CCNY: variants seen among roughly 807,000 people sequenced by gnomAD.
CCNY encodes the protein cyclin Y, also known as cyclin-Y.
In CCNY, 19 loss-of-function variants were observed where a neutral mutation model predicts 42.8. That is an observed-to-expected ratio of 0.44 (90% CI 0.31 to 0.65). CCNY has a LOEUF of 0.65. Ranked by LOEUF, CCNY falls within the 30% of genes least tolerant of loss-of-function variation. The pLI, the probability that CCNY is intolerant of heterozygous loss-of-function variation, is 0.07. For missense variants in CCNY, 370 were observed against 437.3 expected, an observed-to-expected ratio of 0.85 and a Z score of 1.37; for synonymous variants, 165 against 162.7, an observed-to-expected ratio of 1.01 and a Z score of -0.11.
intron 8 of CCNY, 41 bp from the exon 9 acceptor site, chr10:35,565,982 G>A (rs1331187467): frequency 3.2e-6 from 5 of 1,582,484 alleles, no homozygotes; most frequent in African/African-American, 2.7e-5. Flanking sequence ...GTGGCCTGGT[G>A]TGGCAGCTAA....
At chr10:35,468,389 G>A (rs915984927) in intron 1 of CCNY, among the ~76,000 whole-genome samples, 2 of 152,212 alleles carry the variant, frequency 1.3e-5, no homozygotes, top group African/African-American at 4.8e-5. Flanking sequence ...GATTGTGTTT[G>A]CATGCATGTA....
intron 2 of CCNY, among the ~76,000 whole-genome samples, chr10:35,485,731 AAAAAAAAAC>A (rs1258925033): frequency 1.3e-5 from 2 of 148,808 alleles, no homozygotes; most frequent in African/African-American, 5.2e-5. Flanking sequence ...TCTCAAAAAA[AAAAAAAAAC>A]AAAAAAAAAA....
intron 1 of CCNY, among the ~76,000 whole-genome samples, chr10:35,439,638 A>G (rs1015863112): frequency 6.0e-5 from 9 of 150,482 alleles, no homozygotes; most frequent in African/African-American, 2.2e-4. Context: ...CATCTCTGTC[A>G]TCTCAGTGCT....
intron 1 of CCNY, among the ~76,000 whole-genome samples, chr10:35,385,059 G>A (rs1837274311): frequency 6.6e-6 from 1 of 152,150 alleles, no homozygotes; most frequent in Non-Finnish European, 1.5e-5. Context: ...CATATGGATT[G>A]AGCTTATCTG....
intron 1 of CCNY, among the ~76,000 whole-genome samples, chr10:35,408,091 A>G (rs2135241840): frequency 6.6e-6 from 1 of 152,310 alleles, no homozygotes; most frequent in South Asian, 2.1e-4. Context: ...GATTAAAAGG[A>G]GAAAGAGGTT....
intron 1 of CCNY, among the ~76,000 whole-genome samples, chr10:35,361,827 C>CT (rs1336307859): frequency 6.6e-6 from 1 of 152,178 alleles, no homozygotes; most frequent in Non-Finnish European, 1.5e-5. Flanking sequence ...ATCTGAAAAT[C>CT]TGAAATCAGA....
At chr10:35,474,351 G>C (rs921286382) in intron 1 of CCNY, among the ~76,000 whole-genome samples, 1 of 152,040 alleles carries the variant, frequency 6.6e-6, no homozygotes, top group Non-Finnish European at 1.5e-5. Context: ...GCAGGGCACA[G>C]ACAAACAAAA....
intron 1 of CCNY, among the ~76,000 whole-genome samples, chr10:35,247,628 G>A (rs956960901): frequency 2.0e-5 from 3 of 151,606 alleles, no homozygotes; most frequent in African/African-American, 7.3e-5. Context: ...TGTAATCCCA[G>A]CACTTTGGGA....
At chr10:35,460,421 G>A (rs1054527658) in intron 1 of CCNY, among the ~76,000 whole-genome samples, 1 of 151,426 alleles carries the variant, frequency 6.6e-6, no homozygotes, top group African/African-American at 2.4e-5. Context: ...GCTTCCCTGG[G>A]CCACATTGGA....
chr10:35,307,810 A>ATT (rs1835629850), intron 3 of CCNY, among the ~76,000 whole-genome samples: 1 of 71,384 alleles, frequency 1.4e-5, no homozygotes, highest in Non-Finnish European at 3.0e-5. Flanking sequence ...GTATATATAT[A>ATT]TATATATATT....
Position 35,497,536 on chromosome 10 carries a change from G to A in CCNY, c.230-3965G>A, listed in dbSNP as rs182406349. Among the ~76,000 whole-genome samples, 461 of 152,118 alleles carry A rather than the reference G, an allele frequency of 3.0e-3. 5 individuals carry two copies. The highest frequency in any genetic ancestry group is 0.011 in the African/African-American group (446 of 41,492). ...GTGGATCACTTGAGGTGAGGAGTTC[G>A]AGACCAGCCTGGCCAACATGGCAAA... On this transcript the variant is annotated intron_variant, in intron 2 of 9. Coordinates refer to ENST00000374704, the MANE Select transcript of CCNY (RefSeq NM_145012.6).
intron 1 of CCNY, among the ~76,000 whole-genome samples, chr10:35,424,515 C>T (rs982963891): frequency 6.6e-6 from 1 of 152,236 alleles, no homozygotes. Context: ...CGTGAGCCAC[C>T]GCGCCCAGCC....
At chr10:35,518,125 T>G (rs949478847) in intron 4 of CCNY, among the ~76,000 whole-genome samples, 1 of 152,332 alleles carries the variant, frequency 6.6e-6, no homozygotes, top group East Asian at 1.9e-4. Context: ...TGCTCAACAC[T>G]TTCATCCTTG....
chr10:35,412,695 C>CAA (rs397845404), intron 1 of CCNY, among the ~76,000 whole-genome samples: 1,804 of 126,116 alleles, frequency 0.014, 33 homozygotes, highest in African/African-American at 0.039. Flanking sequence ...TACTAAAATA[C>CAA]AAAAAAAAAA....
chr10:35,293,103 G>C (rs951258962), intron 3 of CCNY, among the ~76,000 whole-genome samples: 1 of 152,044 alleles, frequency 6.6e-6, no homozygotes, highest in Non-Finnish European at 1.5e-5. Context: ...GAGTTTTATA[G>C]TTTTAGCTCT....
At chr10:35,393,404 T>C (rs763043764) in intron 1 of CCNY, among the ~76,000 whole-genome samples, 2 of 152,226 alleles carry the variant, frequency 1.3e-5, no homozygotes, top group Non-Finnish European at 2.9e-5. Context: ...TGGGAAGGCA[T>C]GTCTGTGAAC....
intron 1 of CCNY, among the ~76,000 whole-genome samples, chr10:35,394,295 T>C (rs775948600): frequency 2.6e-5 from 4 of 152,328 alleles, no homozygotes; most frequent in Middle Eastern, 3.4e-3. Flanking sequence ...AGATAACTTA[T>C]AAGGATAGGT....
chr10:35,408,418 T>C (rs761102096), intron 1 of CCNY, among the ~76,000 whole-genome samples: 4 of 152,186 alleles, frequency 2.6e-5, no homozygotes, highest in Non-Finnish European at 5.9e-5. Context: ...GGTGGGATTA[T>C]CATTAGTTCT....
At chr10:35,313,955 G>A (rs1835721350) in intron 3 of CCNY, among the ~76,000 whole-genome samples, 1 of 117,402 alleles carries the variant, frequency 8.5e-6, no homozygotes, top group Admixed American at 1.1e-4. Flanking sequence ...TAGCCTGGGA[G>A]ATAAAGTGAG....
Sources: allele counts gnomAD v4.1 joint callset (sites outside exome capture counted in the v4.1 genomes callset), GRCh38; gene constraint gnomAD v4.1.1; transcripts MANE v1.5; gene names NCBI Gene and HGNC (gene_info 2026-07-23, HGNC 2026-07-21).